Variants in LRRC4C observed in about 807,000 individuals in gnomAD.
LRRC4C encodes leucine-rich repeat-containing protein 4C.
In LRRC4C, 5 loss-of-function variants were observed where a neutral mutation model predicts 33.6. The observed-to-expected ratio is 0.15, with a 90% CI of 0.08 to 0.31. The LOEUF (loss-of-function observed/expected upper bound fraction) is 0.31, where lower values mean the gene tolerates loss of function less well. Among genes scored for constraint, LRRC4C ranks in the 10% least tolerant of loss-of-function variants. LRRC4C has a pLI of 1.00. For synonymous variants in LRRC4C, 329 were observed against 302.0 expected, an observed-to-expected ratio of 1.09 and a Z score of -0.93; for missense variants, 560 against 796.7, an observed-to-expected ratio of 0.70 and a Z score of 3.58.
intron 3 of LRRC4C, among the ~76,000 whole-genome samples, chr11:40,526,948 T>C (rs1404175227): frequency 2.0e-5 from 3 of 152,158 alleles, no homozygotes; most frequent in East Asian, 3.9e-4. Flanking sequence ...ATAAATCTAC[T>C]CATACATAGC....
chr11:41,181,176 T>A (rs1945434017), intron 1 of LRRC4C, among the ~76,000 whole-genome samples: 1 of 152,180 alleles, frequency 6.6e-6, no homozygotes, highest in South Asian at 2.1e-4. Flanking sequence ...CAAGACAGTA[T>A]GTTTTCTTAT....
chr11:40,642,258 T>G (rs993947990), intron 3 of LRRC4C, among the ~76,000 whole-genome samples: 1 of 152,218 alleles, frequency 6.6e-6, no homozygotes, highest in African/African-American at 2.4e-5. Flanking sequence ...AGTAATCACT[T>G]GAGTTCATTT....
intron 3 of LRRC4C, among the ~76,000 whole-genome samples, chr11:40,401,819 C>A (rs539914518): frequency 7.2e-5 from 11 of 152,032 alleles, no homozygotes; most frequent in Non-Finnish European, 1.6e-4. Context: ...TCATTAGGAA[C>A]CAAAGTCAAA....
intron 3 of LRRC4C, among the ~76,000 whole-genome samples, chr11:40,354,722 C>A (rs1433589948): frequency 6.6e-6 from 1 of 152,074 alleles, no homozygotes; most frequent in Non-Finnish European, 1.5e-5. Flanking sequence ...TGGGTCTCTC[C>A]TTTCAGGACA....
intron 2 of LRRC4C, among the ~76,000 whole-genome samples, chr11:40,717,441 T>A (rs1285478604): frequency 6.6e-6 from 1 of 152,202 alleles, no homozygotes; most frequent in Non-Finnish European, 1.5e-5. Context: ...CTTTAAAATA[T>A]AAGCTTGATG....
intron 4 of LRRC4C, 140 bp downstream of exon 4, chr11:40,319,488 T>C (rs80350622): frequency 6.6e-6 from 1 of 152,330 alleles, no homozygotes; most frequent in African/African-American, 2.4e-5. Flanking sequence ...CCCCAAATAT[T>C]AACTGCATCA....
At chr11:40,930,541 A>G (rs148541223) in intron 2 of LRRC4C, among the ~76,000 whole-genome samples, 1,909 of 152,298 alleles carry the variant, frequency 0.013, 19 homozygotes, top group Non-Finnish European at 0.019. Flanking sequence ...TATGCCAAAT[A>G]TTTACAGAGA....
intron 1 of LRRC4C, among the ~76,000 whole-genome samples, chr11:41,344,300 C>T (rs930131707): frequency 6.8e-6 from 1 of 146,494 alleles, no homozygotes; most frequent in African/African-American, 2.5e-5. Context: ...AGTCTCTGCT[C>T]GCTGCAACCT....
At chr11:40,585,031 G>A (rs960202801) in intron 3 of LRRC4C, among the ~76,000 whole-genome samples, 2 of 152,090 alleles carry the variant, frequency 1.3e-5, no homozygotes, top group African/African-American at 2.4e-5. Context: ...GATGGGGATG[G>A]TTCTAGAACA....
At chr11:41,269,540 C>T (rs1949256049) in intron 1 of LRRC4C, among the ~76,000 whole-genome samples, 1 of 152,052 alleles carries the variant, frequency 6.6e-6, no homozygotes, top group Non-Finnish European at 1.5e-5. Flanking sequence ...AGAATGTCAG[C>T]CCTGGACCAC....
chr11:40,739,963 A>G lies in LRRC4C; in HGVS notation c.-406-91685T>C, dbSNP rs1948082551. On this transcript the variant is annotated intron_variant, in intron 2 of 6. Transcript: ENST00000528697. ...ACATATACGATTATATATTTGTATA[A>G]TATATGCATATACAAAATATATAGG... Among the ~76,000 whole-genome samples, 4 of 151,760 alleles carry G rather than the reference A, an allele frequency of 2.6e-5. No homozygotes were observed. The Admixed American group carries it at 2.6e-4, about 10-fold the overall frequency.
intron 1 of LRRC4C, among the ~76,000 whole-genome samples, chr11:41,082,284 T>C (rs544946773): frequency 1.3e-5 from 2 of 152,314 alleles, no homozygotes; most frequent in African/African-American, 2.4e-5. Context: ...GTTCTCCTGC[T>C]GGACTTGTAA....
intron 5 of LRRC4C, among the ~76,000 whole-genome samples, chr11:40,178,674 G>A (rs1327163775): frequency 6.6e-6 from 1 of 152,200 alleles, no homozygotes; most frequent in African/African-American, 2.4e-5. Context: ...TCTAGATATA[G>A]ATCAGCTTCA....
chr11:40,344,927 C>T lies in LRRC4C; in HGVS notation c.-269-25206G>A, dbSNP rs115425927. On this transcript the variant is annotated intron_variant, in intron 3 of 6. Transcript: ENST00000528697. ...AAGAGCTACAAAGAGAATAAAATGC[C>T]TAGGAATACAGCTAACCAGGGAGAT... 9.6e-3 allele frequency among the ~76,000 whole-genome samples: 1,466 copies of T among 152,078 alleles called. 24 individuals carry two copies. The highest frequency in any genetic ancestry group is 0.034 in the African/African-American group (1,416 of 41,478).
At chr11:41,339,521 G>T (rs1021418002) in intron 1 of LRRC4C, among the ~76,000 whole-genome samples, 13 of 151,976 alleles carry the variant, frequency 8.6e-5, no homozygotes, top group African/African-American at 3.1e-4. Flanking sequence ...CTAGAAACTA[G>T]CAGGAAAAAA....
At chr11:40,583,238 C>A (rs1055046083) in intron 3 of LRRC4C, among the ~76,000 whole-genome samples, 2 of 152,144 alleles carry the variant, frequency 1.3e-5, no homozygotes, top group African/African-American at 2.4e-5. Context: ...CCTATGAAAT[C>A]CCAGACAGTT....
At chr11:40,595,921 C>T (rs998237963) in intron 3 of LRRC4C, among the ~76,000 whole-genome samples, 5 of 152,090 alleles carry the variant, frequency 3.3e-5, no homozygotes, top group African/African-American at 1.2e-4. Flanking sequence ...CGGGGTAGTA[C>T]TTGAAAAACT....
chr11:40,391,892 C>T (rs1463199666), intron 3 of LRRC4C, among the ~76,000 whole-genome samples: 2 of 152,192 alleles, frequency 1.3e-5, no homozygotes, highest in African/African-American at 4.8e-5. Context: ...TGGAAACAAT[C>T]AAGCTGTCCT....
intron 1 of LRRC4C, among the ~76,000 whole-genome samples, chr11:40,944,640 G>T: frequency 6.6e-6 from 1 of 152,152 alleles, no homozygotes; most frequent in Admixed American, 6.6e-5. Flanking sequence ...GCTTAGCCAT[G>T]CAGAGGGAGG....
Sources: gnomAD v4.1 joint callset for allele counts (sites outside exome capture counted in the v4.1 genomes callset) on GRCh38, gnomAD v4.1.1 for gene constraint, MANE v1.5 for transcripts, NCBI Gene and HGNC (gene_info 2026-07-23, HGNC 2026-07-21) for gene names.